The following MREG variants were observed in gnomAD, a reference collection of about 807,000 sequenced individuals.
MREG encodes dilute suppressor protein homolog.
In MREG, 31 loss-of-function variants were observed where a neutral mutation model predicts 28.5. That is an observed-to-expected ratio of 1.09 (90% confidence interval 0.82 to 1.47). MREG has a LOEUF of 1.47. Among genes scored for constraint, MREG ranks in the 40% most tolerant of loss-of-function variants. MREG has a pLI of 0.00. For synonymous variants in MREG, 106 were observed against 95.2 expected (o/e 1.11, Z -0.66); for missense variants, 256 against 257.4 (o/e 0.99, Z 0.04).
At chr2:215,979,186 G>A (rs1441310344) in intron 2 of MREG, among the ~76,000 whole-genome samples, 5 of 152,144 alleles carry the variant, frequency 3.3e-5, no homozygotes, top group South Asian at 2.1e-4. Flanking sequence ...AAGATAGGTC[G>A]GGCACGGTGG....
In MREG at chr2:216,030,173, A is replaced by G. The variant is rs151147952; in HGVS notation, c.-68+2616T>C. Among the ~76,000 whole-genome samples, 5 of 152,362 alleles carry G rather than the reference A, an allele frequency of 3.3e-5. No individual in the cohort carries two copies. The East Asian group carries it at 9.6e-4, about 29-fold the overall frequency. On this transcript the variant is annotated intron_variant, in intron 1 of 3. Transcript: ENST00000420348. ...CAGATAGACAAATTTGTAAAAATAT[A>G]GATTATTGGGGGTGATGGGTACTAT...
chr2:216,005,071 T>G (rs1694113591), intron 1 of MREG, among the ~76,000 whole-genome samples: 2 of 152,046 alleles, frequency 1.3e-5, no homozygotes, highest in Non-Finnish European at 2.9e-5. Flanking sequence ...GAATAATTAA[T>G]TTCACCTTAT....
chr2:215,978,103 T>C (rs991136766), intron 2 of MREG, among the ~76,000 whole-genome samples: 1 of 152,088 alleles, frequency 6.6e-6, no homozygotes, highest in African/African-American at 2.4e-5. Flanking sequence ...AACTGGTTTT[T>C]TGAAAAGATC....
At chr2:216,005,444 C>CTA (rs1382925358) in intron 1 of MREG, among the ~76,000 whole-genome samples, 2 of 86,306 alleles carry the variant, frequency 2.3e-5, no homozygotes, top group Non-Finnish European at 4.8e-5. Context: ...TCTAGTTATT[C>CTA]TTTTTTTTTT....
chr2:216,026,353 G>GTTTATTTATTTATTTA lies in MREG; in HGVS notation c.-68+6420_-68+6435dup, dbSNP rs530129897. Among the ~76,000 whole-genome samples the GTTTATTTATTTATTTA allele has an allele frequency of 1.8e-4, 26 of 148,384 alleles. 1 individual carries two copies. The highest frequency in any genetic ancestry group is 6.4e-3 in the Middle Eastern group (2 of 312). ...ATTTTAAAATGGTTACTTCCATTGT[G>GTTTATTTATTTATTTA]TTTATTTATTTATTTATTTATTTAT... On this transcript the variant is annotated intron_variant, in intron 1 of 3. Coordinates refer to the MREG transcript ENST00000420348.
chr2:215,996,393 G>C lies in MREG; in HGVS notation c.168C>G (p.Pro56=). 6.2e-7 allele frequency: 1 copy of C among 1,613,528 alleles called. No homozygotes were observed. Among genetic ancestry groups the C allele is most frequent in the Non-Finnish European group, 8.5e-7 (1 of 1,179,528 alleles). The change falls in exon 2 of 5, where the codon CCC becomes CCG. Residue 56 remains proline (P), a synonymous_variant. Coordinates refer to ENST00000263268, the MANE Select transcript of MREG (RefSeq NM_018000.3). ...CTGCCTCTGTGTGGGACACATCATG[G>C]GGCATACTCCATAAATTCTTCTCAT... ...RDDEKNLWSM[P]HDVSHTEADD... is the part of the protein sequence containing the mutation.
intron 2 of MREG, among the ~76,000 whole-genome samples, chr2:215,994,366 A>G (rs1693802643): frequency 6.6e-6 from 1 of 151,730 alleles, no homozygotes; most frequent in South Asian, 2.1e-4. Flanking sequence ...GAAAAATGAG[A>G]ACACAGGGAC....
rs62183184 is a variant in MREG at position 215,945,745 on chromosome 2, A to C, written c.347-11T>G. On this transcript the variant is annotated splice_polypyrimidine_tract_variant and intron_variant, in intron 3 of 4. Transcript: ENST00000263268. The stretch of plus-strand genomic sequence containing the variant: ...CTTCCTTTTGAAAACCTAAGGTAGA[A>C]AAATGGACCACTCATGTAAAGTAGT... 562,960 of 1,607,256 alleles carry C rather than the reference A, an allele frequency of 0.35. 102,712 individuals are homozygous for C. The highest frequency in any genetic ancestry group is 0.38 in the Non-Finnish European group (447,219 of 1,175,534).
At position 215,944,581 on chromosome 2, in the gene MREG, G is replaced by A. The variant is rs556318082; in HGVS notation, c.*282C>T. On this transcript the variant is annotated 3_prime_UTR_variant, in exon 5 of 5. Coordinates refer to ENST00000263268, the MANE Select transcript of MREG (RefSeq NM_018000.3). ...ATGACACAACTAAAACCAAAGCTGG[G>A]GCAATGGGCTCTCAGAATGGAACCA... is the stretch of plus-strand genomic sequence containing the variant. The A allele has an allele frequency of 4.0e-6, 1 of 250,094 alleles. No individual in the cohort carries two copies. The highest frequency in any genetic ancestry group is 2.2e-5 in the African/African-American group (1 of 45,558). The allele number at this position is 250,094 out of a possible 1,614,324, so 15.5% of individuals were successfully genotyped here. A position where few individuals can be genotyped will look rare whatever the true frequency, so the allele number is the denominator to read the frequency against.
At chr2:215,973,220 T>C (rs1471296608) in intron 2 of MREG, among the ~76,000 whole-genome samples, 1 of 152,186 alleles carries the variant, frequency 6.6e-6, no homozygotes, top group Non-Finnish European at 1.5e-5. Flanking sequence ...AATACCTCTT[T>C]GGGTAGCTTC....
chr2:215,978,514 T>A (rs982401523), intron 2 of MREG, among the ~76,000 whole-genome samples: 2 of 152,094 alleles, frequency 1.3e-5, no homozygotes, highest in African/African-American at 4.8e-5. Flanking sequence ...AAAGAAGGAA[T>A]CCTCCCTAAC....
At chr2:216,014,377 G>A (rs1694393882), upstream of MREG, among the ~76,000 whole-genome samples, 1 of 152,132 alleles carries the variant, frequency 6.6e-6, no homozygotes, top group Non-Finnish European at 1.5e-5. Flanking sequence ...TAGGCCGGGC[G>A]CGGTAGCTCA....
chr2:215,980,268 G>A (rs1052921511), intron 2 of MREG, among the ~76,000 whole-genome samples: 9 of 152,156 alleles, frequency 5.9e-5, no homozygotes, highest in African/African-American at 1.2e-4. Context: ...CACAAGGTAC[G>A]TTACCCTTGG....
chr2:215,945,781 C>T (rs749997915), intron 3 of MREG, 47 bp from the exon 4 acceptor site: 3 of 1,550,254 alleles, frequency 1.9e-6, no homozygotes, highest in Admixed American at 3.6e-5. Flanking sequence ...CCCAAGTTAA[C>T]AAGTGTTCCG....
chr2:215,972,325 G>A (rs1292575592), intron 2 of MREG, among the ~76,000 whole-genome samples: 1 of 152,164 alleles, frequency 6.6e-6, no homozygotes, highest in African/African-American at 2.4e-5. Context: ...AAAAAGAAAA[G>A]GAGGAATAAG....
chr2:215,994,766 T>C (rs1389870175), intron 2 of MREG, among the ~76,000 whole-genome samples: 1 of 152,008 alleles, frequency 6.6e-6, no homozygotes, highest in Non-Finnish European at 1.5e-5. Context: ...TCTGCTGTCT[T>C]CTGAAAAGTA....
chr2:215,959,871 T>A (rs1002704094), intron 2 of MREG, among the ~76,000 whole-genome samples: 3 of 152,240 alleles, frequency 2.0e-5, no homozygotes, highest in Non-Finnish European at 4.4e-5. Flanking sequence ...TCTGCTGTTC[T>A]TACCAATTGA....
chr2:216,015,120 CGTGT>C (rs1491398301), upstream of MREG, among the ~76,000 whole-genome samples: 1 of 151,646 alleles, frequency 6.6e-6, no homozygotes, highest in Non-Finnish European at 1.5e-5. Context: ...TGTGTGCACG[CGTGT>C]GTGTGCGCGC....
At chr2:216,010,666 T>C (rs1459691984) in intron 1 of MREG, among the ~76,000 whole-genome samples, 1 of 151,862 alleles carries the variant, frequency 6.6e-6, no homozygotes, top group East Asian at 1.9e-4. Flanking sequence ...AGATTTCTCT[T>C]GTTTTAAAAG....
Sources: allele counts gnomAD v4.1 joint callset (sites outside exome capture counted in the v4.1 genomes callset), GRCh38; gene constraint gnomAD v4.1.1; transcripts MANE v1.5; gene names NCBI Gene and HGNC (gene_info 2026-07-23, HGNC 2026-07-21).